Variants in EXOC5 observed in about 807,000 individuals in gnomAD.
EXOC5 encodes the protein SEC10-like 1.
In EXOC5, 17 loss-of-function variants were observed where a neutral mutation model predicts 90.8. The ratio of observed to expected loss-of-function variants is 0.19; its 90% CI spans 0.13 to 0.28. The LOEUF (loss-of-function observed/expected upper bound fraction) is 0.28. EXOC5 is among the 10% of genes least tolerant of loss of function. EXOC5 has a pLI of 1.00. For synonymous variants in EXOC5, 260 were observed against 270.0 expected (o/e 0.96, Z 0.36); for missense variants, 569 against 830.6 (o/e 0.69, Z 3.87).
In EXOC5 at chr14:57,203,726, T is replaced by C. The variant is rs1555367022; in HGVS notation, c.*4883A>G. 1 of 152,584 alleles carries C rather than the reference T, an allele frequency of 6.6e-6. No individual in the cohort carries two copies. Among genetic ancestry groups the C allele is most frequent in the Non-Finnish European group, 1.5e-5 (1 of 68,028 alleles). 9.5% of individuals were successfully genotyped at this position (152,584 alleles called of 1,614,324 possible). A position where few individuals can be genotyped will look rare whatever the true frequency, so the allele number is the denominator to read the frequency against. On this transcript the variant is annotated 3_prime_UTR_variant, in exon 18 of 18. Coordinates refer to ENST00000621441, the MANE Select transcript of EXOC5 (RefSeq NM_006544.4). Reference sequence around the variant, plus strand: ...AAACTTAATTCCAGTTTCAGACTTTTAAATTAAAAGTGGCTCAGTTGGATA... The same window carrying C: ...AAACTTAATTCCAGTTTCAGACTTTCAAATTAAAAGTGGCTCAGTTGGATA...
chr14:57,210,528 T>TAA (rs1360399000), intron 15 of EXOC5, among the ~76,000 whole-genome samples: 2 of 152,204 alleles, frequency 1.3e-5, no homozygotes, highest in Admixed American at 1.3e-4. Context: ...ATGTTTCATA[T>TAA]ATATCTTATA....
intron 1 of EXOC5, among the ~76,000 whole-genome samples, chr14:57,260,130 C>A (rs1263487670): frequency 2.0e-4 from 30 of 152,162 alleles, no homozygotes; most frequent in Admixed American, 2.0e-3. Context: ...TACTTTCTAA[C>A]CCCATTTTCT....
In EXOC5 at chr14:57,208,509, C is replaced by A. The variant is rs1882727681; in HGVS notation, c.*100G>T. On this transcript the variant is annotated 3_prime_UTR_variant, in exon 18 of 18. Coordinates refer to ENST00000621441, the MANE Select transcript of EXOC5 (RefSeq NM_006544.4). Reference sequence around the variant, plus strand: ...TTGTTTCACAAAATGTTGGCTGTGTCATAAGGTATCTCCTGTGCTTTCTAT... The same window carrying A: ...TTGTTTCACAAAATGTTGGCTGTGTAATAAGGTATCTCCTGTGCTTTCTAT... 2 of 734,772 alleles carry A rather than the reference C, an allele frequency of 2.7e-6. No individual in the cohort carries two copies. The highest frequency in any genetic ancestry group is 1.7e-5 in the African/African-American group (1 of 58,158). 45.5% of individuals were successfully genotyped at this position (734,772 alleles called of 1,614,324 possible).
At chr14:57,228,623 A>G (rs1883383009) in intron 12 of EXOC5, among the ~76,000 whole-genome samples, 1 of 144,874 alleles carries the variant, frequency 6.9e-6, no homozygotes, top group Non-Finnish European at 1.5e-5. Flanking sequence ...CAAACACCAC[A>G]TGTTCTCACT....
intron 1 of EXOC5, among the ~76,000 whole-genome samples, chr14:57,256,590 A>C (rs563693693): frequency 6.6e-6 from 1 of 152,342 alleles, no homozygotes; most frequent in South Asian, 2.1e-4. Context: ...TAGTGGAACA[A>C]GGGTTGTCTG....
At chr14:57,242,111 G>A (rs1471592003) in intron 4 of EXOC5, among the ~76,000 whole-genome samples, 2 of 147,636 alleles carry the variant, frequency 1.4e-5, no homozygotes, top group African/African-American at 5.0e-5. Context: ...CCAGCCTGGG[G>A]GACAGAGCGA....
chr14:57,248,285 G>A (rs982331343), intron 1 of EXOC5, among the ~76,000 whole-genome samples: 2 of 151,800 alleles, frequency 1.3e-5, no homozygotes, highest in Non-Finnish European at 2.9e-5. Context: ...TAAGGGAAAA[G>A]CATATATGAA....
At chr14:57,228,277 T>C (rs879296645) in intron 12 of EXOC5, among the ~76,000 whole-genome samples, 3 of 152,234 alleles carry the variant, frequency 2.0e-5, no homozygotes, top group African/African-American at 7.2e-5. Context: ...AGTACAACCA[T>C]TGTGGAAGAC....
At chr14:57,231,191 T>C (rs1261638689) in intron 11 of EXOC5, among the ~76,000 whole-genome samples, 1 of 151,956 alleles carries the variant, frequency 6.6e-6, no homozygotes, top group African/African-American at 2.4e-5. Context: ...GTGTTTTTAG[T>C]AGAGATGGGG....
At chr14:57,237,211 T>C in intron 6 of EXOC5, 127 bp downstream of exon 6, 3 of 656,568 alleles carry the variant, frequency 4.6e-6, no homozygotes, top group South Asian at 1.7e-5. Context: ...TCAGGGATCT[T>C]CTATGCAGTA....
intron 5 of EXOC5, among the ~76,000 whole-genome samples, chr14:57,238,833 CAT>C (rs1371938969): frequency 2.0e-5 from 3 of 152,040 alleles, no homozygotes; most frequent in Middle Eastern, 3.4e-3. Context: ...ACAAAAATAA[CAT>C]ATTATATGTC....
chr14:57,224,934 C>T (rs963189748), intron 12 of EXOC5, among the ~76,000 whole-genome samples: 4 of 151,932 alleles, frequency 2.6e-5, no homozygotes, highest in Non-Finnish European at 5.9e-5. Context: ...TGGTGGTGGG[C>T]GCCTGTAGTC....
chr14:57,236,137 A>C (rs1204516766), intron 6 of EXOC5, among the ~76,000 whole-genome samples: 1 of 152,160 alleles, frequency 6.6e-6, no homozygotes, highest in East Asian at 1.9e-4. Flanking sequence ...ATAGCAACAC[A>C]CATGAAAAAT....
At chr14:57,263,028 T>G (rs931172479) in intron 1 of EXOC5, among the ~76,000 whole-genome samples, 1 of 152,182 alleles carries the variant, frequency 6.6e-6, no homozygotes, top group Non-Finnish European at 1.5e-5. Context: ...TATGTCAGGT[T>G]GCCCACGATC....
chr14:57,210,417 GA>G (rs1312056856), intron 15 of EXOC5, among the ~76,000 whole-genome samples: 1 of 152,128 alleles, frequency 6.6e-6, no homozygotes, highest in East Asian at 1.9e-4. Context: ...CTTGGGACCA[GA>G]AGTGTTTTGG....
At position 57,235,374 on chromosome 14, in the gene EXOC5, G is replaced by A. The variant is rs1016858622; in HGVS notation, c.669+337C>T. Among the ~76,000 whole-genome samples, 11 of 151,856 alleles carry A rather than the reference G, an allele frequency of 7.2e-5. No homozygotes were observed. The South Asian group carries it at 1.0e-3, about 14-fold the overall frequency. On this transcript the variant is annotated intron_variant, in intron 7 of 17. Coordinates refer to ENST00000621441, the MANE Select transcript of EXOC5 (RefSeq NM_006544.4). ...GTTCCTATATCCTACAGATATTTAC[G>A]GTCACGTTTTCTTTCTTTTCACCTA...
Position 57,201,453 on chromosome 14 carries a change from T to C in EXOC5, c.*7156A>G, listed in dbSNP as rs183437740. 2 of 146,520 alleles carry C rather than the reference T, an allele frequency of 1.4e-5. No individual in the cohort carries two copies. Among genetic ancestry groups the C allele is most frequent in the African/African-American group, 2.6e-5 (1 of 38,316 alleles). 9.1% of individuals were successfully genotyped at this position (146,520 alleles called of 1,614,324 possible). Reference sequence around the variant, plus strand: ...ATACACACACACACGTGTGTATATATACACACGCGTGTATATGTACACACA... The same window carrying C: ...ATACACACACACACGTGTGTATATACACACACGCGTGTATATGTACACACA... On this transcript the variant is annotated 3_prime_UTR_variant, in exon 18 of 18. Coordinates refer to ENST00000621441, the MANE Select transcript of EXOC5 (RefSeq NM_006544.4).
At chr14:57,253,386 A>G (rs182002554) in intron 1 of EXOC5, among the ~76,000 whole-genome samples, 45 of 152,364 alleles carry the variant, frequency 3.0e-4, no homozygotes, top group Admixed American at 2.9e-3. Context: ...AAGAAATCAA[A>G]GAAGTCACAA....
chr14:57,214,364 T>C (rs1413565542), intron 15 of EXOC5, among the ~76,000 whole-genome samples: 1 of 152,140 alleles, frequency 6.6e-6, no homozygotes, highest in Non-Finnish European at 1.5e-5. Context: ...GGTGTAAAAT[T>C]TTCCACTTGT....
Sources: allele counts gnomAD v4.1 joint callset (sites outside exome capture counted in the v4.1 genomes callset), GRCh38; gene constraint gnomAD v4.1.1; transcripts MANE v1.5; gene names NCBI Gene and HGNC (gene_info 2026-07-23, HGNC 2026-07-21).